Variants in KAZN observed in about 807,000 individuals in gnomAD.
KAZN encodes kazrin, periplakin interacting protein.
Under a neutral mutation model 87.4 loss-of-function variants are expected in KAZN, and 40 were observed. The observed-to-expected ratio is 0.46, with a 90% CI of 0.36 to 0.60. The LOEUF is 0.60. KAZN is among the 20% of genes least tolerant of loss of function. The pLI is 0.00. For synonymous variants in KAZN, 466 were observed against 458.3 expected (o/e 1.02, Z -0.22); for missense variants, 898 against 1,073.9 (o/e 0.84, Z 2.29).
chr1:15,101,801 C>CA (rs1641080830), intron 11 of KAZN, 27 bp downstream of exon 11: 1 of 1,467,884 alleles, frequency 6.8e-7, no homozygotes, highest in East Asian at 2.5e-5. Flanking sequence ...AGGGTGGGGG[C>CA]ACCTTCCACT....
intron 1 of KAZN, among the ~76,000 whole-genome samples, chr1:14,647,605 C>T (rs1244915700): frequency 6.6e-6 from 1 of 152,118 alleles, no homozygotes; most frequent in Non-Finnish European, 1.5e-5. Context: ...AGCCTGGGCC[C>T]ACTCTGGAGA....
At chr1:14,427,323 G>C (rs1665788477) in intron 2 of KAZN, among the ~76,000 whole-genome samples, 1 of 152,158 alleles carries the variant, frequency 6.6e-6, no homozygotes, top group Admixed American at 6.5e-5. Context: ...TCTGTAAACT[G>C]GGGATAATAA....
intron 2 of KAZN, among the ~76,000 whole-genome samples, chr1:15,010,350 C>G (rs555672572): frequency 1.3e-5 from 2 of 150,728 alleles, no homozygotes; most frequent in South Asian, 4.2e-4. Context: ...ATGTTGGGTC[C>G]TCCTCTCCAG....
chr1:15,007,609 G>T (rs1031239124), intron 2 of KAZN, among the ~76,000 whole-genome samples: 1 of 152,214 alleles, frequency 6.6e-6, no homozygotes. Flanking sequence ...TTGGCCAGCC[G>T]ACCCGTTGGG....
chr1:14,804,533 G>C (rs6698574), intron 1 of KAZN, among the ~76,000 whole-genome samples: 1 of 152,074 alleles, frequency 6.6e-6, no homozygotes, highest in East Asian at 1.9e-4. Context: ...CACAAAACCC[G>C]GGTGCTACTA....
chr1:14,786,467 A>G (rs1645512273), intron 1 of KAZN, among the ~76,000 whole-genome samples: 1 of 152,188 alleles, frequency 6.6e-6, no homozygotes, highest in Non-Finnish European at 1.5e-5. Context: ...CTTTGTGAGC[A>G]CATAGAGCTG....
intron 2 of KAZN, among the ~76,000 whole-genome samples, chr1:14,229,827 G>A (rs990707156): frequency 1.3e-5 from 2 of 152,256 alleles, no homozygotes; most frequent in Non-Finnish European, 2.9e-5. Flanking sequence ...AGTCTCTCTC[G>A]CAGGAGCGTT....
At chr1:14,016,443 C>T (rs926268306) in intron 1 of KAZN, among the ~76,000 whole-genome samples, 15 of 152,112 alleles carry the variant, frequency 9.9e-5, no homozygotes, top group Non-Finnish European at 1.9e-4. Flanking sequence ...AACTGAGGGA[C>T]AGTTGACTGA....
intron 1 of KAZN, among the ~76,000 whole-genome samples, chr1:14,639,326 C>G (rs74900493): frequency 2.6e-5 from 4 of 152,120 alleles, no homozygotes; most frequent in African/African-American, 9.7e-5. Context: ...CCTCTCCAAG[C>G]GGGAAACGAA....
intron 2 of KAZN, among the ~76,000 whole-genome samples, chr1:14,241,039 G>T (rs1648891425): frequency 6.6e-6 from 1 of 152,224 alleles, no homozygotes; most frequent in Non-Finnish European, 1.5e-5. Context: ...CACTTCTAAG[G>T]TAGGTATGAA....
intron 2 of KAZN, among the ~76,000 whole-genome samples, chr1:14,222,433 C>T (rs1647124920): frequency 6.6e-6 from 1 of 152,178 alleles, no homozygotes; most frequent in Non-Finnish European, 1.5e-5. Flanking sequence ...TAAAGCTTCG[C>T]TTTTCTTGGA....
chr1:14,781,877 A>G (rs1490791552), intron 1 of KAZN, among the ~76,000 whole-genome samples: 2 of 152,216 alleles, frequency 1.3e-5, no homozygotes, highest in East Asian at 1.9e-4. Context: ...ATCATAAAAA[A>G]TTGTCAATAA....
intron 2 of KAZN, among the ~76,000 whole-genome samples, chr1:14,416,306 G>C (rs1402398988): frequency 6.6e-6 from 1 of 152,138 alleles, no homozygotes; most frequent in Non-Finnish European, 1.5e-5. Context: ...TGGCACTGAT[G>C]GATTGTTTGG....
intron 1 of KAZN, among the ~76,000 whole-genome samples, chr1:14,756,401 A>G (rs753496692): frequency 6.6e-6 from 1 of 152,142 alleles, no homozygotes; most frequent in African/African-American, 2.4e-5. Context: ...CAAAAATGGC[A>G]TTTGTCTGAT....
chr1:13,897,415 ATGCTACATGG>A (rs1195742932), intron 1 of KAZN, among the ~76,000 whole-genome samples: 1 of 152,162 alleles, frequency 6.6e-6, no homozygotes, highest in East Asian at 1.9e-4. Flanking sequence ...GGTACCCTTG[ATGCTACATGG>A]TGCTGTGGTT....
chr1:14,027,490 C>G (rs1353486276), intron 1 of KAZN, among the ~76,000 whole-genome samples: 3 of 152,120 alleles, frequency 2.0e-5, no homozygotes, highest in Admixed American at 6.6e-5. Flanking sequence ...CTTCTGCCCC[C>G]CCGCCACCTC....
intron 2 of KAZN, among the ~76,000 whole-genome samples, chr1:14,391,237 T>G (rs1235336284): frequency 1.3e-5 from 2 of 152,206 alleles, no homozygotes; most frequent in Non-Finnish European, 2.9e-5. Flanking sequence ...TTCTGCTGCT[T>G]CTTGGGCACT....
At chr1:14,231,325 A>G (rs1647809419) in intron 2 of KAZN, among the ~76,000 whole-genome samples, 1 of 152,220 alleles carries the variant, frequency 6.6e-6, no homozygotes, top group African/African-American at 2.4e-5. Context: ...AAACAAACAA[A>G]CAAGAATGTG....
chr1:14,445,501 G>A (rs1011833372), intron 2 of KAZN, among the ~76,000 whole-genome samples: 4 of 152,126 alleles, frequency 2.6e-5, no homozygotes, highest in Non-Finnish European at 5.9e-5. Context: ...TCTTCCCTAC[G>A]GCTTTCAGAA....
Sources: gnomAD v4.1 joint callset for allele counts (sites outside exome capture counted in the v4.1 genomes callset) on GRCh38, gnomAD v4.1.1 for gene constraint, MANE v1.5 for transcripts, NCBI Gene and HGNC (gene_info 2026-07-23, HGNC 2026-07-21) for gene names.